The following CARHSP1 variants were observed in gnomAD, a reference collection of about 807,000 sequenced individuals.
The protein encoded by CARHSP1 is calcium regulated heat stable protein 1, also known as calcium-regulated heat-stable protein 1.
In CARHSP1, 14 loss-of-function variants were observed where a neutral mutation model predicts 12.5. The observed-to-expected ratio is 1.12, with a 90% confidence interval of 0.74 to 1.75. CARHSP1 has a LOEUF of 1.75. CARHSP1 is among the 40% of genes most tolerant of loss of function. The pLI is 0.00. For missense variants in CARHSP1, 343 were observed against 201.6 expected (o/e 1.70, Z -4.25); for synonymous variants, 161 against 82.0 (o/e 1.96, Z -5.20).
At chr16:8,855,432 T>A (rs2061068128) in intron 3 of CARHSP1, 106 bp from the exon 4 acceptor site, 1 of 1,021,486 alleles carries the variant, frequency 9.8e-7, no homozygotes, top group Non-Finnish European at 1.3e-6. Flanking sequence ...GCAGGCACCA[T>A]CTGACCAACC....
intron 1 of CARHSP1, chr16:8,860,371 G>A: frequency 1.0e-6 from 1 of 985,460 alleles, no homozygotes; most frequent in Non-Finnish European, 1.2e-6. Flanking sequence ...CAGCTGGAGG[G>A]CGGGAATTCC....
At chr16:8,859,528 G>A (rs1254259363) in intron 1 of CARHSP1, among the ~76,000 whole-genome samples, 193 bp from the exon 2 acceptor site, 2 of 151,698 alleles carry the variant, frequency 1.3e-5, no homozygotes, top group African/African-American at 4.8e-5. Flanking sequence ...GCAACCGTGG[G>A]GCCCCCTCGA....
At chr16:8,857,263 G>GTTTTT (rs756390920) in intron 3 of CARHSP1, among the ~76,000 whole-genome samples, 23 of 57,028 alleles carry the variant, frequency 4.0e-4, no homozygotes, top group Non-Finnish European at 7.1e-4. Flanking sequence ...GGGCAGATCT[G>GTTTTT]TTTTTTTTTT....
intron 1 of CARHSP1, chr16:8,860,016 C>G: frequency 8.1e-6 from 3 of 371,580 alleles, no homozygotes; most frequent in Non-Finnish European, 1.1e-5. Context: ...TTAATGCCAA[C>G]CACCTAGATC....
Position 8,855,014 on chromosome 16 carries a change from C to A in CARHSP1, c.*150G>T. 2 of 580,768 alleles carry A rather than the reference C, an allele frequency of 3.4e-6. No individual in the cohort carries two copies. Among genetic ancestry groups the A allele is most frequent in the East Asian group, 3.5e-5 (1 of 28,314 alleles). 36.0% of individuals were successfully genotyped at this position (580,768 alleles called of 1,614,324 possible). ...GAACACCCCACACCCCACACCTGCCCCCCATACCCCTTCCTCCAGGAGATA... is the reference window on the plus strand; with the variant it reads ...GAACACCCCACACCCCACACCTGCCACCCATACCCCTTCCTCCAGGAGATA... On this transcript the variant is annotated 3_prime_UTR_variant, in exon 4 of 4. Transcript: ENST00000311052.
intron 1 of CARHSP1, chr16:8,860,427 C>T (rs1165724224): frequency 4.1e-6 from 4 of 985,418 alleles, no homozygotes; most frequent in Admixed American, 6.1e-5. Context: ...GCAGGACACT[C>T]GCTGTACACA....
At chr16:8,856,100 C>T (rs557757568) in intron 3 of CARHSP1, among the ~76,000 whole-genome samples, 10 of 152,310 alleles carry the variant, frequency 6.6e-5, no homozygotes, top group African/African-American at 9.6e-5. Flanking sequence ...TGAGCCACCA[C>T]GCCTGGACTC....
At chr16:8,856,439 A>G (rs1216991111) in intron 3 of CARHSP1, among the ~76,000 whole-genome samples, 1 of 152,224 alleles carries the variant, frequency 6.6e-6, no homozygotes, top group Non-Finnish European at 1.5e-5. Flanking sequence ...AGAACCAGAC[A>G]TCACAATATT....
rs141713044 is a variant in CARHSP1, at chr16:8,864,720, G to C, written c.-8+4246C>G. ...TCTGATGAGTGCCCGGCCAAGGGAG[G>C]GAGCCCAGGGTGGTGGGGGCAGGAA... On this transcript the variant is annotated intron_variant, in intron 1 of 3. Coordinates refer to ENST00000311052, the MANE Select transcript of CARHSP1 (RefSeq NM_014316.4). Among the ~76,000 whole-genome samples the C allele has an allele frequency of 4.7e-3, 711 of 152,308 alleles. 4 individuals carry two copies. The highest frequency in any genetic ancestry group is 0.017 in the African/African-American group (688 of 41,572).
chr16:8,860,551 A>G (rs1030700385), intron 1 of CARHSP1: 3 of 984,386 alleles, frequency 3.0e-6, no homozygotes, highest in Non-Finnish European at 3.6e-6. Context: ...GTCCTTTCCC[A>G]TCTCTGGGCT....
At chr16:8,861,651 G>A (rs1419475637) in intron 1 of CARHSP1, 1 of 1,289,152 alleles carries the variant, frequency 7.8e-7, no homozygotes, top group Admixed American at 2.3e-5. Flanking sequence ...CCTTCTGGAG[G>A]AGGTGGCATC....
Position 8,858,409 on chromosome 16 carries a change from C to T in CARHSP1, c.222G>A (p.Lys74=), listed in dbSNP as rs756906881. 2 of 1,614,100 alleles carry T rather than the reference C, an allele frequency of 1.2e-6. No individual in the cohort carries two copies. Among genetic ancestry groups the T allele is most frequent in the Admixed American group, 1.7e-5 (1 of 60,016 alleles). ...KGVCKCFCRS[K]GHGFITPADG... is the part of the protein sequence containing the mutation. ...CAGCTGGAGTAATGAAGCCATGGCC[C>T]TTGGACCGGCAGAAGCATTTGCAGA... The change falls in exon 3 of 4, where the codon AAG becomes AAA. Residue 74 remains lysine, a synonymous_variant. Coordinates refer to ENST00000311052, the MANE Select transcript of CARHSP1 (RefSeq NM_014316.4).
intron 1 of CARHSP1, among the ~76,000 whole-genome samples, chr16:8,865,356 C>T (rs916809124): frequency 5.3e-5 from 8 of 152,154 alleles, no homozygotes; most frequent in Admixed American, 3.3e-4. Flanking sequence ...ATGATTTACC[C>T]GCTTCAGCCT....
chr16:8,865,010 A>G (rs554497180), intron 1 of CARHSP1, among the ~76,000 whole-genome samples: 78 of 152,252 alleles, frequency 5.1e-4, no homozygotes, highest in African/African-American at 1.7e-3. Context: ...ACCCACATCA[A>G]TGGGAGCCAA....
At chr16:8,860,612 C>G (rs536462557) in intron 1 of CARHSP1, 18 of 577,628 alleles carry the variant, frequency 3.1e-5, no homozygotes, top group Non-Finnish European at 3.9e-5. Flanking sequence ...CACTTGGCAC[C>G]TGCGCAGGGC....
intron 1 of CARHSP1, among the ~76,000 whole-genome samples, chr16:8,866,924 C>T (rs1301285797): frequency 6.6e-6 from 1 of 152,164 alleles, no homozygotes; most frequent in Non-Finnish European, 1.5e-5. Context: ...AGCTCTTCCG[C>T]CCTCAGGAGC....
rs1363309457 is a variant in CARHSP1 at position 8,853,689 on chromosome 16, C to A, written c.*1475G>T. 1.3e-5 allele frequency: 2 copies of A among 152,116 alleles called. No individual in the cohort carries two copies. Among genetic ancestry groups the A allele is most frequent in the African/African-American group, 2.4e-5 (1 of 41,426 alleles). The allele number at this position is 152,116 out of a possible 1,614,324, so 9.4% of individuals were successfully genotyped here. A position where few individuals can be genotyped will look rare whatever the true frequency, so the allele number is the denominator to read the frequency against. On this transcript the variant is annotated 3_prime_UTR_variant, in exon 4 of 4. Transcript: ENST00000311052. Reference sequence around the variant, plus strand: ...TTGACTACATATAGGTCATATATTTCAAAAAATAATGCCTAGCTATTTCTA... The same window carrying A: ...TTGACTACATATAGGTCATATATTTAAAAAAATAATGCCTAGCTATTTCTA...
At chr16:8,861,940 C>G in intron 1 of CARHSP1, 1 of 329,800 alleles carries the variant, frequency 3.0e-6, no homozygotes, top group South Asian at 5.9e-5. Flanking sequence ...CTGCCTTGTT[C>G]TATCCAAAGT....
In CARHSP1 at chr16:8,858,500, C is replaced by A. The variant is rs768449548; in HGVS notation, c.159-28G>T. The A allele has an allele frequency of 8.1e-6, 13 of 1,609,804 alleles. No individual in the cohort carries two copies. The Admixed American group carries it at 1.3e-4, about 17-fold the overall frequency. On this transcript the variant is annotated intron_variant, in intron 2 of 3. Transcript: ENST00000311052. ...GACAGAGAGGGGGAAATGTCAGGGG[C>A]CCCATCAGCGCTCCTGGGCACACAA...
Sources: gnomAD v4.1 joint callset for allele counts (sites outside exome capture counted in the v4.1 genomes callset) on GRCh38, gnomAD v4.1.1 for gene constraint, MANE v1.5 for transcripts, NCBI Gene and HGNC (gene_info 2026-07-23, HGNC 2026-07-21) for gene names.